Variants in ACKR2 observed in about 807,000 individuals in gnomAD.
ACKR2 encodes atypical chemokine receptor 2, also known as C-C chemokine receptor D6.
For synonymous variants in ACKR2, 207 were observed against 192.2 expected, an observed-to-expected ratio of 1.08 and a Z score of -0.64; for missense variants, 457 against 477.3, an observed-to-expected ratio of 0.96 and a Z score of 0.40.
chr3:42,813,896 A>G (rs1700720060), intron 1 of ACKR2, among the ~76,000 whole-genome samples: 1 of 152,220 alleles, frequency 6.6e-6, no homozygotes, highest in Non-Finnish European at 1.5e-5. Context: ...AGTATCATTA[A>G]TGACCCCAGT....
chr3:42,821,213 G>C (rs1700806849), intron 2 of ACKR2, among the ~76,000 whole-genome samples: 1 of 152,176 alleles, frequency 6.6e-6, no homozygotes, highest in East Asian at 1.9e-4. Context: ...TAAAAGACCT[G>C]TTACGATTTC....
At position 42,844,014 on chromosome 3, in the gene ACKR2, G is replaced by A. The variant is rs375912015; in HGVS notation, c.-37-20452G>A. 33 of 152,362 alleles carry A rather than the reference G, an allele frequency of 2.2e-4. No homozygotes were observed. In the East Asian group the frequency reaches 5.8e-3, roughly 27 times the overall value. 9.4% of individuals were successfully genotyped at this position (152,362 alleles called of 1,614,324 possible). A position where few individuals can be genotyped will look rare whatever the true frequency, so the allele number is the denominator to read the frequency against. ...CCCACCTCTACCTCTCCGGGAACCC[G>A]CTGTGCTGTGGGACAGGAGGAGACC... On this transcript the variant is annotated intron_variant, in intron 2 of 2. Transcript: ENST00000422265.
intron 2 of ACKR2, among the ~76,000 whole-genome samples, chr3:42,857,862 C>G (rs1490157508): frequency 6.6e-6 from 1 of 152,242 alleles, no homozygotes; most frequent in South Asian, 2.1e-4. Context: ...ATTACTGAGG[C>G]TTGAGTAGGC....
intron 1 of ACKR2, among the ~76,000 whole-genome samples, chr3:42,810,089 T>A (rs1418045243): frequency 6.6e-6 from 1 of 152,134 alleles, no homozygotes; most frequent in Non-Finnish European, 1.5e-5. Flanking sequence ...GAATAAATAA[T>A]AGGAAATTAG....
intron 2 of ACKR2, among the ~76,000 whole-genome samples, chr3:42,848,457 A>AT (rs1202654102): frequency 6.6e-6 from 1 of 152,134 alleles, no homozygotes; most frequent in Admixed American, 6.5e-5. Flanking sequence ...GACTCAAGCC[A>AT]TCTACCTGCC....
At chr3:42,853,282 A>T (rs1701182810) in intron 2 of ACKR2, among the ~76,000 whole-genome samples, 1 of 151,894 alleles carries the variant, frequency 6.6e-6, no homozygotes, top group African/African-American at 2.4e-5. Flanking sequence ...TCTGCCATAT[A>T]CTTGCTGTGT....
intron 2 of ACKR2, chr3:42,835,884 T>A (rs978353059): frequency 1.3e-5 from 2 of 152,286 alleles, no homozygotes; most frequent in African/African-American, 4.8e-5. Flanking sequence ...AGGTCCCTCC[T>A]TCCTCCTTCT....
rs866153853 is a variant in ACKR2 at position 42,864,738 on chromosome 3, G to T, written c.236G>T (p.Arg79Leu). 6.2e-7 allele frequency: 1 copy of T among 1,614,162 alleles called. No homozygotes were observed. Among genetic ancestry groups the T allele is most frequent in the Non-Finnish European group, 8.5e-7 (1 of 1,180,030 alleles). ...MVLLRYVPRRRMVEIYLLNLA... is the reference protein window; with the variant it reads ...MVLLRYVPRRLMVEIYLLNLA... ...TTGCTCCGTTACGTGCCTCGCAGGC[G>T]GATGGTTGAGATCTATCTGCTGAAT... The change falls in exon 3 of 3, where the codon CGG becomes CTG. Residue 79 changes from arginine to leucine, a missense_variant. Coordinates refer to ENST00000422265, the MANE Select transcript of ACKR2 (RefSeq NM_001296.5).
chr3:42,821,685 T>C (rs1559684326), intron 2 of ACKR2, among the ~76,000 whole-genome samples: 1 of 151,966 alleles, frequency 6.6e-6, no homozygotes, highest in Non-Finnish European at 1.5e-5. Flanking sequence ...CTCTCTCTTA[T>C]AGAATATATA....
chr3:42,844,225 T>G (rs930350448), intron 2 of ACKR2, among the ~76,000 whole-genome samples: 13 of 152,112 alleles, frequency 8.5e-5, no homozygotes, highest in African/African-American at 3.1e-4. Context: ...TATCTGGAAG[T>G]TGGAGACATG....
intron 2 of ACKR2, among the ~76,000 whole-genome samples, chr3:42,845,174 A>G (rs887660879): frequency 1.3e-5 from 2 of 152,176 alleles, no homozygotes; most frequent in Non-Finnish European, 1.5e-5. Context: ...GTTTAGACTG[A>G]CCTGCTTCCC....
At chr3:42,846,710 GC>G (rs1310356403) in intron 2 of ACKR2, among the ~76,000 whole-genome samples, 1 of 152,186 alleles carries the variant, frequency 6.6e-6, no homozygotes. Context: ...TGTATAAGAA[GC>G]GGTAAGACCA....
chr3:42,854,386 C>G (rs982578672), intron 2 of ACKR2, among the ~76,000 whole-genome samples: 2 of 152,176 alleles, frequency 1.3e-5, no homozygotes, highest in African/African-American at 4.8e-5. Context: ...TCTCAGCACA[C>G]CACTGGCTTT....
At chr3:42,833,327 C>T (rs1219912581) in intron 2 of ACKR2, among the ~76,000 whole-genome samples, 2 of 152,132 alleles carry the variant, frequency 1.3e-5, no homozygotes, top group Non-Finnish European at 2.9e-5. Flanking sequence ...ATGTAATCAA[C>T]ATAACAATGA....
chr3:42,834,277 G>A (rs577272467), intron 2 of ACKR2, among the ~76,000 whole-genome samples: 4 of 152,202 alleles, frequency 2.6e-5, no homozygotes, highest in East Asian at 3.9e-4. Flanking sequence ...TTATTATACC[G>A]CTATGGTGAT....
chr3:42,853,441 AT>A (rs1190459163), intron 2 of ACKR2, among the ~76,000 whole-genome samples: 1 of 151,954 alleles, frequency 6.6e-6, no homozygotes, highest in African/African-American at 2.4e-5. Flanking sequence ...TATTATTGTT[AT>A]TTTTTTGAGA....
At chr3:42,810,837 G>C (rs1700687735) in intron 1 of ACKR2, among the ~76,000 whole-genome samples, 1 of 152,220 alleles carries the variant, frequency 6.6e-6, no homozygotes, top group African/African-American at 2.4e-5. Flanking sequence ...AAAATTGTAA[G>C]GGTGATTCCT....
chr3:42,853,088 G>A (rs1434778741), intron 2 of ACKR2, among the ~76,000 whole-genome samples: 3 of 152,120 alleles, frequency 2.0e-5, no homozygotes, highest in African/African-American at 7.2e-5. Context: ...TAAGTGTCAG[G>A]GCTGGTTTCT....
At chr3:42,853,433 T>C (rs1701184498) in intron 2 of ACKR2, among the ~76,000 whole-genome samples, 1 of 152,158 alleles carries the variant, frequency 6.6e-6, no homozygotes, top group African/African-American at 2.4e-5. Flanking sequence ...CTAGTTGTTA[T>C]TATTGTTATT....
Sources: allele counts gnomAD v4.1 joint callset (sites outside exome capture counted in the v4.1 genomes callset), GRCh38; gene constraint gnomAD v4.1.1; transcripts MANE v1.5; gene names NCBI Gene and HGNC (gene_info 2026-07-23, HGNC 2026-07-21).